Variants in PPFIA2 observed in about 807,000 individuals in gnomAD.
PPFIA2 encodes the protein liprin-alpha-2.
In PPFIA2, 46 loss-of-function variants were observed where a neutral mutation model predicts 175.5. The observed-to-expected ratio is 0.26, with a 90% CI of 0.21 to 0.34. PPFIA2 has a LOEUF of 0.34. Ranked by LOEUF, PPFIA2 falls within the 10% of genes least tolerant of loss-of-function variation. PPFIA2 has a pLI of 1.00. For missense variants in PPFIA2, 1,179 were observed against 1,506.1 expected, an observed-to-expected ratio of 0.78 and a Z score of 3.60; for synonymous variants, 568 against 511.4, an observed-to-expected ratio of 1.11 and a Z score of -1.49.
At chr12:81,628,491 C>A (rs2062988689) in intron 4 of PPFIA2, among the ~76,000 whole-genome samples, 1 of 147,678 alleles carries the variant, frequency 6.8e-6, no homozygotes, top group African/African-American at 2.5e-5. Flanking sequence ...ATTCTCCTGT[C>A]TCAGCCTCCT....
intron 27 of PPFIA2, among the ~76,000 whole-genome samples, chr12:81,279,767 A>C (rs2041600755): frequency 6.6e-6 from 1 of 152,164 alleles, no homozygotes; most frequent in African/African-American, 2.4e-5. Context: ...ACCGGACCCC[A>C]AAAATCTAAT....
At chr12:81,755,563 G>A (rs1272769607) in intron 2 of PPFIA2, among the ~76,000 whole-genome samples, 1 of 152,086 alleles carries the variant, frequency 6.6e-6, no homozygotes, top group Non-Finnish European at 1.5e-5. Context: ...TTTTATGTGA[G>A]TCTTCATATA....
intron 8 of PPFIA2, among the ~76,000 whole-genome samples, chr12:81,400,513 CT>C (rs748571818): frequency 2.3e-4 from 35 of 152,196 alleles, no homozygotes; most frequent in Non-Finnish European, 5.1e-4. Flanking sequence ...CTTCATTTTG[CT>C]TTATGTACTT....
chr12:81,553,903 G>C (rs1034811308), intron 4 of PPFIA2, among the ~76,000 whole-genome samples: 1 of 152,036 alleles, frequency 6.6e-6, no homozygotes, highest in Non-Finnish European at 1.5e-5. Flanking sequence ...GGAGTAGGTG[G>C]TAAGAGCTGG....
chr12:81,643,119 C>A (rs2065576262), intron 4 of PPFIA2, among the ~76,000 whole-genome samples: 1 of 148,060 alleles, frequency 6.8e-6, no homozygotes, highest in African/African-American at 2.5e-5. Context: ...TCATTTTATT[C>A]TTAAAACATA....
chr12:81,642,964 CAT>C (rs1360031510), intron 4 of PPFIA2, among the ~76,000 whole-genome samples: 8 of 61,024 alleles, frequency 1.3e-4, no homozygotes, highest in South Asian at 6.9e-4. Context: ...AATATACACA[CAT>C]ATATAAATTA....
intron 30 of PPFIA2, among the ~76,000 whole-genome samples, chr12:81,265,327 TTTAGAG>T (rs965736611): frequency 4.6e-5 from 7 of 151,334 alleles, no homozygotes; most frequent in African/African-American, 1.2e-4. Context: ...ATTGCCAGTT[TTTAGAG>T]TTAAGCGTTT....
chr12:81,751,388 T>C (rs2083747182), intron 3 of PPFIA2, among the ~76,000 whole-genome samples: 1 of 150,400 alleles, frequency 6.6e-6, no homozygotes, highest in South Asian at 2.1e-4. Context: ...ATCAGACCTA[T>C]ACTTATCATG....
intron 19 of PPFIA2, among the ~76,000 whole-genome samples, chr12:81,344,026 C>A (rs1358549511): frequency 6.6e-6 from 1 of 152,098 alleles, no homozygotes; most frequent in East Asian, 1.9e-4. Context: ...CACCTGTGGG[C>A]CAGGCTGAGA....
intron 21 of PPFIA2, among the ~76,000 whole-genome samples, chr12:81,333,957 T>A (rs545581166): frequency 6.6e-6 from 1 of 152,306 alleles, no homozygotes; most frequent in Admixed American, 6.5e-5. Flanking sequence ...ACCTAACTGT[T>A]CCAGCACTCA....
intron 21 of PPFIA2, among the ~76,000 whole-genome samples, chr12:81,331,559 G>T (rs1452891546): frequency 6.6e-6 from 1 of 152,024 alleles, no homozygotes; most frequent in East Asian, 1.9e-4. Flanking sequence ...ATACAAACTG[G>T]CAGATAACCA....
rs1555549398 is a variant in PPFIA2, at chr12:81,642,711, T to TATCTATTATATACATAC, written c.303+34079_303+34080insGTATGTATATAATAGAT. On this transcript the variant is annotated intron_variant, in intron 4 of 32. Transcript: ENST00000549396. ...TTATATACATACATGTATATGTATG[T>TATCTATTATATACATAC]ATGTATTATATACATACATGTATAT... Among the ~76,000 whole-genome samples the TATCTATTATATACATAC allele has an allele frequency of 4.6e-5, 5 of 108,274 alleles. 1 individual carries two copies. Among genetic ancestry groups the TATCTATTATATACATAC allele is most frequent in the Admixed American group, 1.9e-4 (2 of 10,540 alleles). 71.0% of individuals were successfully genotyped at this position (108,274 alleles called of 152,430 possible).
chr12:81,652,389 T>TA (rs938532127), intron 4 of PPFIA2, among the ~76,000 whole-genome samples: 92 of 151,084 alleles, frequency 6.1e-4, no homozygotes, highest in African/African-American at 1.9e-3. Context: ...TCTTACATAG[T>TA]AAAAAAAACA....
chr12:81,530,720 A>G (rs2064400011), intron 4 of PPFIA2, among the ~76,000 whole-genome samples: 1 of 151,266 alleles, frequency 6.6e-6, no homozygotes, highest in Admixed American at 6.6e-5. Flanking sequence ...AGCCTGGATA[A>G]GCCCAGAGAA....
intron 4 of PPFIA2, among the ~76,000 whole-genome samples, chr12:81,458,482 C>T (rs183978455): frequency 6.6e-6 from 1 of 152,110 alleles, no homozygotes; most frequent in African/African-American, 2.4e-5. Flanking sequence ...GACTTGTTCA[C>T]GGTTACACCA....
chr12:81,364,789 A>C (rs180876076), intron 14 of PPFIA2, among the ~76,000 whole-genome samples: 6 of 151,942 alleles, frequency 3.9e-5, no homozygotes, highest in Admixed American at 3.3e-4. Flanking sequence ...AGAGGATTTG[A>C]TATTGGACTA....
At chr12:81,480,675 G>A (rs2058100887) in intron 4 of PPFIA2, among the ~76,000 whole-genome samples, 1 of 152,046 alleles carries the variant, frequency 6.6e-6, no homozygotes, top group Non-Finnish European at 1.5e-5. Context: ...CCCCTCTGCT[G>A]CAGGTCTGCT....
chr12:81,545,909 T>C (rs1027489492), intron 4 of PPFIA2: 1 of 151,830 alleles, frequency 6.6e-6, no homozygotes, highest in African/African-American at 2.4e-5. Flanking sequence ...CGGATCACCT[T>C]AGGTCAGAAG....
chr12:81,270,139 T>A (rs781494867), intron 28 of PPFIA2, among the ~76,000 whole-genome samples: 5 of 152,272 alleles, frequency 3.3e-5, no homozygotes, highest in African/African-American at 7.2e-5. Context: ...TATATTTACA[T>A]GTTGCAGTAG....
Sources: allele counts gnomAD v4.1 joint callset (sites outside exome capture counted in the v4.1 genomes callset), GRCh38; gene constraint gnomAD v4.1.1; transcripts MANE v1.5; gene names NCBI Gene and HGNC (gene_info 2026-07-23, HGNC 2026-07-21).